IQCB1: variants seen among roughly 807,000 people sequenced by gnomAD.
The protein encoded by IQCB1 is IQ calmodulin-binding motif-containing protein 1.
Under a neutral mutation model 84.4 loss-of-function variants are expected in IQCB1, and 56 were observed. The ratio of observed to expected loss-of-function variants is 0.66; its 90% CI spans 0.54 to 0.83. The LOEUF is 0.83. Ranked by LOEUF, IQCB1 falls within the 40% of genes least tolerant of loss-of-function variation. The pLI is 0.00. For synonymous variants in IQCB1, 210 were observed against 234.8 expected (o/e 0.89, Z 0.96); for missense variants, 629 against 682.1 (o/e 0.92, Z 0.87).
chr3:121,792,439 C>A (rs1212289135), intron 10 of IQCB1, among the ~76,000 whole-genome samples: 2 of 151,676 alleles, frequency 1.3e-5, no homozygotes, highest in African/African-American at 4.8e-5. Context: ...GCGGGTGGAT[C>A]ACGAGGTCAG....
intron 5 of IQCB1, among the ~76,000 whole-genome samples, chr3:121,822,628 A>C (rs1669285915): frequency 6.6e-6 from 1 of 152,160 alleles, no homozygotes; most frequent in Non-Finnish European, 1.5e-5. Flanking sequence ...CAGAGTTTGG[A>C]GTTTAGGTTC....
rs1410574695 is a variant in IQCB1, at chr3:121,781,660, C to CAG, written c.1410+82_1410+83insCT. Reference sequence around the variant, plus strand: ...ACACACACACACACACACACACACACACAATATATGTGTGTGTGTGTACAG... The same window carrying CAG: ...ACACACACACACACACACACACACACAGACAATATATGTGTGTGTGTGTACAG... On this transcript the variant is annotated intron_variant, in intron 13 of 14. Coordinates refer to ENST00000310864, the MANE Select transcript of IQCB1 (RefSeq NM_001023570.4). The CAG allele has an allele frequency of 1.1e-4, 115 of 1,090,080 alleles. No individual in the cohort carries two copies. The Middle Eastern group carries it at 3.8e-3, about 36-fold the overall frequency. 67.5% of individuals were successfully genotyped at this position (1,090,080 alleles called of 1,614,324 possible). A position where few individuals can be genotyped will look rare whatever the true frequency, so the allele number is the denominator to read the frequency against.
chr3:121,833,495 A>T (rs1446692934), intron 2 of IQCB1, among the ~76,000 whole-genome samples: 1 of 152,188 alleles, frequency 6.6e-6, no homozygotes, highest in Non-Finnish European at 1.5e-5. Context: ...CCGTAATAAA[A>T]CATCACTAAA....
chr3:121,812,665 A>G (rs1355854989), intron 5 of IQCB1, among the ~76,000 whole-genome samples: 1 of 152,226 alleles, frequency 6.6e-6, no homozygotes, highest in African/African-American at 2.4e-5. Flanking sequence ...AGAAGGAAGG[A>G]TATAAGAGAA....
At chr3:121,800,822 G>A (rs1949380523) in intron 7 of IQCB1, among the ~76,000 whole-genome samples, 1 of 151,332 alleles carries the variant, frequency 6.6e-6, no homozygotes, top group Admixed American at 6.6e-5. Flanking sequence ...TCCAATTTCT[G>A]TTGCCACTAT....
chr3:121,780,721 T>C (rs1022712041), intron 13 of IQCB1, among the ~76,000 whole-genome samples: 7 of 152,114 alleles, frequency 4.6e-5, no homozygotes, highest in African/African-American at 1.7e-4. Context: ...GTTTGTTTGT[T>C]ACAAAAAGTC....
intron 13 of IQCB1, among the ~76,000 whole-genome samples, chr3:121,777,799 A>G (rs537377091): frequency 4.9e-4 from 75 of 152,218 alleles, no homozygotes; most frequent in African/African-American, 1.8e-3. Flanking sequence ...CTGGTATAAT[A>G]TGATTATTTA....
chr3:121,809,632 GT>G (rs1257698150), intron 5 of IQCB1, among the ~76,000 whole-genome samples: 1 of 152,004 alleles, frequency 6.6e-6, no homozygotes, highest in Non-Finnish European at 1.5e-5. Flanking sequence ...ATAAATGACA[GT>G]TTTTTCTGGC....
In IQCB1 at chr3:121,818,311, C is replaced by T. The variant is rs1436596787; in HGVS notation, c.393+7740G>A. On this transcript the variant is annotated intron_variant, in intron 5 of 14. Transcript: ENST00000310864. Reference sequence around the variant, plus strand: ...TATTAATATAATGTATTCATTAATGCCCAGTTCCACTCTTCTCATTACTTA... The same window carrying T: ...TATTAATATAATGTATTCATTAATGTCCAGTTCCACTCTTCTCATTACTTA... 3.9e-5 allele frequency among the ~76,000 whole-genome samples: 6 copies of T among 152,218 alleles called. No individual in the cohort carries two copies. In the East Asian group the frequency reaches 9.6e-4, roughly 24 times the overall value.
In IQCB1 at chr3:121,799,274, C is replaced by T. The variant is rs1212481899; in HGVS notation, c.688G>A (p.Ala230Thr). 6.2e-7 allele frequency: 1 copy of T among 1,609,912 alleles called. No individual in the cohort carries two copies. Among genetic ancestry groups the T allele is most frequent in the Non-Finnish European group, 8.5e-7 (1 of 1,177,162 alleles). ...STPSPVIRST[A>T]TKLLLLMAES... ...GCCATCAACAGTAGGAGTTTTGTAG[C>T]AGTACTTCTTATAACTGGACTAGGA... Residue 230 changes from alanine to threonine, a missense_variant, in exon 8 of 15, where the codon GCT becomes ACT. Physicochemically the swap from Ala to Thr is moderately conservative, Grantham distance 58. Coordinates refer to ENST00000310864, the MANE Select transcript of IQCB1 (RefSeq NM_001023570.4).
At chr3:121,770,954 G>A (rs1007650271) in intron 14 of IQCB1, among the ~76,000 whole-genome samples, 1 of 151,950 alleles carries the variant, frequency 6.6e-6, no homozygotes, top group African/African-American at 2.4e-5. Flanking sequence ...TTACAGCCAT[G>A]TGTCAACATA....
intron 10 of IQCB1, among the ~76,000 whole-genome samples, chr3:121,791,359 T>C (rs1275873021): frequency 6.6e-6 from 1 of 152,232 alleles, no homozygotes; most frequent in Non-Finnish European, 1.5e-5. Flanking sequence ...TTTATTTTGA[T>C]TTTGATAAAA....
intron 5 of IQCB1, among the ~76,000 whole-genome samples, chr3:121,811,876 C>T (rs936716029): frequency 5.3e-5 from 8 of 152,206 alleles, no homozygotes; most frequent in Non-Finnish European, 8.8e-5. Context: ...TGCCTGCCAG[C>T]GCTGAAGAGA....
intron 13 of IQCB1, among the ~76,000 whole-genome samples, chr3:121,773,836 T>C (rs536185497): frequency 6.6e-6 from 1 of 152,174 alleles, no homozygotes; most frequent in East Asian, 1.9e-4. Context: ...CATCATGACA[T>C]TGGTTTTGGT....
intron 13 of IQCB1, among the ~76,000 whole-genome samples, chr3:121,779,575 C>T (rs1948387609): frequency 6.6e-6 from 1 of 151,984 alleles, no homozygotes; most frequent in African/African-American, 2.4e-5. Flanking sequence ...CCCTTCTCTG[C>T]CAATTTTAAC....
Position 121,807,394 on chromosome 3 carries a change from T to TGCAGC in IQCB1, c.536_537insGCTGC (p.Ile180LeufsTer3). 6.3e-7 allele frequency: 1 copy of TGCAGC among 1,584,480 alleles called. No homozygotes were observed. Among genetic ancestry groups the TGCAGC allele is most frequent in the Non-Finnish European group, 8.7e-7 (1 of 1,153,602 alleles). The stretch of plus-strand genomic sequence containing the variant: ...GCATCATCATGACTGCAGATCCTAT[T>TGCAGC]TGGACATTGTCAGCTTGCAGTAAAT... On this transcript the variant is annotated frameshift_variant, in exon 7 of 15. Transcript: ENST00000310864. LOFTEE classifies it high-confidence loss of function.
At chr3:121,772,425 T>A (rs1948036194) in intron 14 of IQCB1, 132 bp downstream of exon 14, 4 of 830,260 alleles carry the variant, frequency 4.8e-6, no homozygotes, top group Non-Finnish European at 8.3e-6. Context: ...TGGTCTGATC[T>A]ATGTAGAAAT....
chr3:121,822,131 A>G (rs896942749), intron 5 of IQCB1, among the ~76,000 whole-genome samples: 1 of 152,238 alleles, frequency 6.6e-6, no homozygotes, highest in Non-Finnish European at 1.5e-5. Context: ...CTATGCTATC[A>G]GTTCTCCTGA....
chr3:121,776,842 A>G (rs936125658), intron 13 of IQCB1, among the ~76,000 whole-genome samples: 2 of 152,212 alleles, frequency 1.3e-5, no homozygotes, highest in African/African-American at 2.4e-5. Context: ...CAACTAGTTC[A>G]TATGTTTTCT....
Sources: gnomAD v4.1 joint callset for allele counts (sites outside exome capture counted in the v4.1 genomes callset) on GRCh38, gnomAD v4.1.1 for gene constraint, MANE v1.5 for transcripts, NCBI Gene and HGNC (gene_info 2026-07-23, HGNC 2026-07-21) for gene names.